EVPL: variants seen among roughly 807,000 people sequenced by gnomAD.
EVPL encodes the protein 210 kDa cornified envelope precursor protein.
EVPL carries 94 observed loss-of-function variants against 129.7 expected under a neutral mutation model. The ratio of observed to expected loss-of-function variants is 0.72; its 90% CI spans 0.61 to 0.86. The LOEUF is 0.86. Ranked by LOEUF, EVPL falls within the 40% of genes least tolerant of loss-of-function variation. The pLI, the probability that EVPL is intolerant of heterozygous loss-of-function variation, is 0.00. For synonymous variants in EVPL, 1,172 were observed against 1,191.1 expected, an observed-to-expected ratio of 0.98 and a Z score of 0.33; for missense variants, 2,625 against 2,721.1, an observed-to-expected ratio of 0.96 and a Z score of 0.79.
In EVPL at chr17:76,009,800, G is replaced by A; in HGVS notation, c.3405C>T (p.Ile1135=). 3.7e-6 allele frequency: 6 copies of A among 1,613,640 alleles called. No homozygotes were observed. The highest frequency in any genetic ancestry group is 1.6e-4 in the Middle Eastern group (1 of 6,062). The change falls in exon 22 of 22, where the codon ATC becomes ATT. Residue 1135 remains isoleucine, a synonymous_variant. Transcript: ENST00000301607. The surrounding 1 kb of genome is among the most constrained non-coding windows in gnomAD (Gnocchi z 5.9). ...GCTCCACCTTCTTCACCTCCTTCAC[G>A]ATGACCTTGGGCTCCACCGAGCTGA... ...RAISSVEPKV[I]VKEVKKVEQD... is the part of the protein sequence containing the mutation.
Position 76,008,976 on chromosome 17 carries a change from T to G in EVPL, c.4229A>C (p.Gln1410Pro), listed in dbSNP as rs1359603489. Residue 1410 changes from glutamine (Q) to proline (P), a missense_variant, in exon 22 of 22, where the codon CAG becomes CCG. Coordinates refer to ENST00000301607, the MANE Select transcript of EVPL (RefSeq NM_001988.4). The surrounding 1 kb of genome is among the most constrained non-coding windows in gnomAD (Gnocchi z 7.4). ...GRRRQLELEV[Q>P]QLRAGVEEQE... ...CTCCTCCACGCCGGCCCGCAGCTGC[T>G]GCACCTCAAGCTCTAGCTGGCGCCG... is the stretch of plus-strand genomic sequence containing the variant. The G allele has an allele frequency of 6.2e-7, 1 of 1,611,672 alleles. No individual in the cohort carries two copies. Among genetic ancestry groups the G allele is most frequent in the Non-Finnish European group, 8.5e-7 (1 of 1,179,944 alleles).
chr17:76,009,446 C>T lies in EVPL; in HGVS notation c.3759G>A (p.Val1253=). 6.2e-7 allele frequency: 1 copy of T among 1,614,158 alleles called. No homozygotes were observed. Among genetic ancestry groups the T allele is most frequent in the Non-Finnish European group, 8.5e-7 (1 of 1,180,022 alleles). Residue 1253 remains valine (V), a synonymous_variant, in exon 22 of 22, where the codon GTG becomes GTA. Coordinates refer to ENST00000301607, the MANE Select transcript of EVPL (RefSeq NM_001988.4). This position sits in a 1 kb window ranked among gnomAD's most constrained non-coding sequence, Gnocchi z 5.9. ...AQKPTVEYKE[V]TQEVVRHERS... Reference sequence around the variant, plus strand: ...TCTCATGCCTCACCACCTCCTGGGTCACCTCCTTGTACTCCACCGTGGGCT... The same window carrying T: ...TCTCATGCCTCACCACCTCCTGGGTTACCTCCTTGTACTCCACCGTGGGCT...
chr17:76,017,964 TAGGTGCCCCCACC>T lies in EVPL; in HGVS notation c.1538-66_1538-54del, dbSNP rs1216017812. The T allele has an allele frequency of 1.7e-5, 27 of 1,603,306 alleles. No individual in the cohort carries two copies. In the South Asian group the frequency reaches 2.7e-4, roughly 16 times the overall value. On this transcript the variant is annotated intron_variant, in intron 13 of 21. Transcript: ENST00000301607. ...CAGGGCCTATCTCCAGACTGCCAGATAGGTGCCCCCACCAGGTGCCCACAGAGGGTCCTGTCGG... is the reference window on the plus strand; with the variant it reads ...CAGGGCCTATCTCCAGACTGCCAGATAGGTGCCCACAGAGGGTCCTGTCGG...
Position 76,024,204 on chromosome 17 carries a change from C to A in EVPL, c.99-84G>T. 2 of 1,294,306 alleles carry A rather than the reference C, an allele frequency of 1.5e-6. No homozygotes were observed. The highest frequency in any genetic ancestry group is 1.9e-4 in the Middle Eastern group (1 of 5,242). 80.2% of individuals were successfully genotyped at this position (1,294,306 alleles called of 1,614,324 possible). On this transcript the variant is annotated intron_variant, in intron 1 of 21. Coordinates refer to ENST00000301607, the MANE Select transcript of EVPL (RefSeq NM_001988.4). The surrounding 1 kb of genome is among the most constrained non-coding windows in gnomAD (Gnocchi z 4.5). ...CAGGTGGCATCCCCTGCCCTCCCTC[C>A]ACCCCATCCTGCCCCCACAGCCTAG...
chr17:76,018,067 C>T, intron 13 of EVPL, 94 bp downstream of exon 13: 2 of 1,532,434 alleles, frequency 1.3e-6, no homozygotes, highest in Non-Finnish European at 1.8e-6. Context: ...TGGTCCCTAA[C>T]CCAAGGCGAC....
Position 76,009,934 on chromosome 17 carries a change from C to A in EVPL, c.3271G>T (p.Ala1091Ser). 3.1e-6 allele frequency: 5 copies of A among 1,614,114 alleles called. No individual in the cohort carries two copies. Among genetic ancestry groups the A allele is most frequent in the Non-Finnish European group, 4.2e-6 (5 of 1,180,032 alleles). ...ATCTGCAGCCTCAGAGCCTGGGCTG[C>A]CTTGACCATTTCCAGATTCTTCTCC... Reference protein sequence around the residue: ...KVEKNLEMVKAAQALRLQMEE... With the variant: ...KVEKNLEMVKSAQALRLQMEE... Residue 1091 changes from alanine to serine, a missense_variant, in exon 22 of 22, where the codon GCA becomes TCA. Physicochemically the swap from Ala to Ser is moderately conservative, Grantham distance 99 (BLOSUM62 1). Coordinates refer to ENST00000301607, the MANE Select transcript of EVPL (RefSeq NM_001988.4). This position sits in a 1 kb window ranked among gnomAD's most constrained non-coding sequence, Gnocchi z 5.9.
chr17:76,011,423 C>G (rs1192436715), intron 21 of EVPL, 153 bp downstream of exon 21: 10 of 708,028 alleles, frequency 1.4e-5, no homozygotes, highest in South Asian at 1.6e-5. Context: ...ATCCGCTCCC[C>G]TCTCCAGCAG....
At chr17:76,011,411 G>C (rs1010656492) in intron 21 of EVPL, 165 bp downstream of exon 21, 2 of 655,066 alleles carry the variant, frequency 3.1e-6, no homozygotes, top group Non-Finnish European at 5.4e-6. Flanking sequence ...TGGGTGGCTG[G>C]AATCCGCTCC....
chr17:76,012,765 G>C (rs1165713301), intron 18 of EVPL, among the ~76,000 whole-genome samples: 2 of 138,388 alleles, frequency 1.4e-5, no homozygotes, highest in African/African-American at 5.4e-5. Flanking sequence ...TTTTTTTTGA[G>C]ACGGAGTCTT....
Position 76,008,441 on chromosome 17 carries a change from G to A in EVPL, c.4764C>T (p.Ala1588=), listed in dbSNP as rs901488371. 13 of 1,592,208 alleles carry A rather than the reference G, an allele frequency of 8.2e-6. No homozygotes were observed. The highest frequency in any genetic ancestry group is 4.0e-5 in the African/African-American group (3 of 74,680). ...ESELQRARDQ[A]DQECGRLQQE... ...GCTGCAGCCGCCCACACTCCTGGTC[G>A]GCCTGGTCCCGGGCCCTCTGCAGCT... The change falls in exon 22 of 22, where the codon GCC becomes GCT. Residue 1588 remains alanine, a synonymous_variant. Coordinates refer to ENST00000301607, the MANE Select transcript of EVPL (RefSeq NM_001988.4). The surrounding 1 kb of genome is among the most constrained non-coding windows in gnomAD (Gnocchi z 7.4).
chr17:76,009,702 G>T lies in EVPL; in HGVS notation c.3503C>A (p.Thr1168Lys), dbSNP rs149505943. The T allele has an allele frequency of 6.2e-7, 1 of 1,613,472 alleles. No individual in the cohort carries two copies. Among genetic ancestry groups the T allele is most frequent in the Non-Finnish European group, 8.5e-7 (1 of 1,179,996 alleles). Reference protein sequence around the residue: ...LLEEERTKNATLARELSDLHS... With the variant: ...LLEEERTKNAKLARELSDLHS... ...CAGGTCGCTCAGCTCCCTGGCCAGC[G>T]TCGCGTTCTTGGTCCTCTCCTCCTC... is the stretch of plus-strand genomic sequence containing the variant. The change falls in exon 22 of 22, where the codon ACG becomes AAG. Residue 1168 changes from threonine to lysine, a missense_variant. Thr to Lys is a moderately conservative substitution (Grantham distance 78). Around this residue, in one of 4 missense-constraint regions of EVPL, gnomAD observed 1,453 missense variants for 1,511.8 expected, o/e 0.96. Transcript: ENST00000301607. The surrounding 1 kb of genome is among the most constrained non-coding windows in gnomAD (Gnocchi z 5.9).
Position 76,027,228 on chromosome 17 carries a change from G to A in EVPL, c.-30C>T. The stretch of plus-strand genomic sequence containing the variant: ...GTAAAGGCAAGTGCTGGCTCAGGCT[G>A]GGCTTGGCTGGCGAAAGACGGCAGG... On this transcript the variant is annotated 5_prime_UTR_variant, in exon 1 of 22. Transcript: ENST00000301607. 6.5e-7 allele frequency: 1 copy of A among 1,542,842 alleles called. No homozygotes were observed.
chr17:76,010,156 T>G lies in EVPL; in HGVS notation c.3049A>C (p.Lys1017Gln). 3.1e-6 allele frequency: 5 copies of G among 1,614,072 alleles called. No individual in the cohort carries two copies. The highest frequency in any genetic ancestry group is 4.2e-6 in the Non-Finnish European group (5 of 1,180,026). Residue 1017 changes from lysine (K) to glutamine (Q), a missense_variant, in exon 22 of 22, where the codon AAG becomes CAG. Physicochemically the swap from Lys to Gln is moderately conservative, Grantham distance 53 (BLOSUM62 1). Around this residue, in one of 4 missense-constraint regions of EVPL, gnomAD observed 1,453 missense variants for 1,511.8 expected, o/e 0.96. Coordinates refer to ENST00000301607, the MANE Select transcript of EVPL (RefSeq NM_001988.4). ...TCCCTCTCCACCTGGGTGACCTCCT[T>G]GGTCAGCAGATGAGGCTGCATGGTC... ...RKTMQPHLLTKEVTQVERDPG... is the reference protein window; with the variant it reads ...RKTMQPHLLTQEVTQVERDPG...
In EVPL at chr17:76,019,548, C is replaced by T; in HGVS notation, c.1117G>A (p.Glu373Lys). 2 of 1,569,554 alleles carry T rather than the reference C, an allele frequency of 1.3e-6. No homozygotes were observed. The highest frequency in any genetic ancestry group is 1.7e-6 in the Non-Finnish European group (2 of 1,162,366). Reference protein sequence around the residue: ...APGGPPGAPTELLQQLEAEEK... With the variant: ...APGGPPGAPTKLLQQLEAEEK... The stretch of plus-strand genomic sequence containing the variant: ...CTCACCTCCAGCTGTTGCAGCAGCT[C>T]TGTGGGGGCGCCAGGGGGGCCCCCA... Residue 373 changes from glutamate (E) to lysine (K), a missense_variant, in exon 10 of 22, where the codon GAG (glutamate) becomes AAG (lysine). This residue lies in a region of EVPL where 1,024 missense variants were observed against 997.5 expected (regional missense o/e 1.03). Transcript: ENST00000301607.
Position 76,013,566 on chromosome 17 carries a change from C to G in EVPL, c.2373+860G>C, listed in dbSNP as rs1219727271. On this transcript the variant is annotated intron_variant, in intron 18 of 21. Coordinates refer to ENST00000301607, the MANE Select transcript of EVPL (RefSeq NM_001988.4). The surrounding 1 kb of genome is among the most constrained non-coding windows in gnomAD (Gnocchi z 4.3). Reference sequence around the variant, plus strand: ...TCTTCCCAGTTGTCCCCAACAGAACCCTGGGCATCACCGGGCCCCGTCCAT... The same window carrying G: ...TCTTCCCAGTTGTCCCCAACAGAACGCTGGGCATCACCGGGCCCCGTCCAT... Among the ~76,000 whole-genome samples the G allele has an allele frequency of 6.6e-6, 1 of 152,176 alleles. No homozygotes were observed. Among genetic ancestry groups the G allele is most frequent in the Non-Finnish European group, 1.5e-5 (1 of 68,034 alleles).
intron 21 of EVPL, 43 bp from the exon 22 acceptor site, chr17:76,010,586 G>A (rs2066369898): frequency 6.5e-7 from 1 of 1,544,324 alleles, no homozygotes; most frequent in African/African-American, 1.4e-5. Flanking sequence ...GGGCGGTAGA[G>A]ATAGGAGCTC....
intron 1 of EVPL, among the ~76,000 whole-genome samples, 194 bp downstream of exon 1, chr17:76,026,906 AG>A (rs57695185): frequency 0.014 from 2,079 of 152,346 alleles, 55 homozygotes; most frequent in African/African-American, 0.047. Flanking sequence ...CCAGGGCTGA[AG>A]TTCGGCCTGG....
In EVPL at chr17:76,015,369, C is replaced by A; in HGVS notation, c.1890-4G>T. The A allele has an allele frequency of 6.2e-7, 1 of 1,603,500 alleles. No homozygotes were observed. The highest frequency in any genetic ancestry group is 8.5e-7 in the Non-Finnish European group (1 of 1,177,224). On this transcript the variant is annotated splice_polypyrimidine_tract_variant and splice_region_variant and intron_variant, in intron 15 of 21. Transcript: ENST00000301607. ...CAGATCCAGGGCAGCCTTGGCTCTG[C>A]CGCAGAGGAGGCAAGGCTCAGACAC... is the stretch of plus-strand genomic sequence containing the variant.
chr17:76,009,287 G>C lies in EVPL; in HGVS notation c.3918C>G (p.Ala1306=), dbSNP rs752761798. 86 of 1,607,996 alleles carry C rather than the reference G, an allele frequency of 5.3e-5. No homozygotes were observed. Among genetic ancestry groups the C allele is most frequent in the Middle Eastern group, 1.6e-4 (1 of 6,082 alleles). Reference sequence around the variant, plus strand: ...TGCTCACCGTCTTGGTCTCCACCTTGGCCCGCTCGCGCCTCCACTCGTCGC... The same window carrying C: ...TGCTCACCGTCTTGGTCTCCACCTTCGCCCGCTCGCGCCTCCACTCGTCGC... The part of the protein sequence containing the change: ...GERDEWRRER[A]KVETKTVSKE... The change falls in exon 22 of 22, where the codon GCC becomes GCG. Residue 1306 remains alanine (A), a synonymous_variant. Coordinates refer to ENST00000301607, the MANE Select transcript of EVPL (RefSeq NM_001988.4). The surrounding 1 kb of genome is among the most constrained non-coding windows in gnomAD (Gnocchi z 5.9).
Sources: allele counts gnomAD v4.1 joint callset (sites outside exome capture counted in the v4.1 genomes callset), GRCh38; gene constraint gnomAD v4.1.1; regional missense constraint gnomAD v4.1.1; non-coding constraint Gnocchi (gnomAD v3.1); transcripts MANE v1.5; gene names NCBI Gene and HGNC (gene_info 2026-07-23, HGNC 2026-07-21).